AJAP1: variants seen among roughly 807,000 people sequenced by gnomAD.
AJAP1 encodes the protein adherens junction-associated protein 1.
AJAP1 carries 5 observed loss-of-function variants against 35.0 expected under a neutral mutation model. That is an observed-to-expected ratio of 0.14 (90% CI 0.07 to 0.30). The LOEUF is 0.30. AJAP1 is among the 10% of genes least tolerant of loss of function. AJAP1 has a pLI of 1.00. For synonymous variants in AJAP1, 284 were observed against 249.3 expected (o/e 1.14, Z -1.31); for missense variants, 586 against 571.0 (o/e 1.03, Z -0.27).
intron 4 of AJAP1, among the ~76,000 whole-genome samples, chr1:4,773,440 C>T (rs539290308): frequency 6.6e-6 from 1 of 152,346 alleles, no homozygotes; most frequent in East Asian, 1.9e-4. Context: ...GTGTCTTTGT[C>T]CTGTTGGCTA....
chr1:4,771,375 C>T lies in AJAP1; in HGVS notation c.918-905C>T, dbSNP rs146914429. 4.1e-3 allele frequency among the ~76,000 whole-genome samples: 630 copies of T among 152,282 alleles called. 1 individual carries two copies. Among genetic ancestry groups the T allele is most frequent in the African/African-American group, 0.014 (598 of 41,576 alleles). Reference sequence around the variant, plus strand: ...GAAATAGCCAAGACTTAGAAGGAGACGGGCGCATCCCCCCTGCCCCTTGCC... The same window carrying T: ...GAAATAGCCAAGACTTAGAAGGAGATGGGCGCATCCCCCCTGCCCCTTGCC... On this transcript the variant is annotated intron_variant, in intron 3 of 5. Transcript: ENST00000378191.
chr1:4,777,173 A>T (rs962193701), intron 5 of AJAP1, among the ~76,000 whole-genome samples: 1 of 152,176 alleles, frequency 6.6e-6, no homozygotes, highest in Non-Finnish European at 1.5e-5. Flanking sequence ...CATCTCTCAG[A>T]TTTGCTGGGG....
At chr1:4,699,423 T>C (rs565931154) in intron 1 of AJAP1, among the ~76,000 whole-genome samples, 2 of 152,268 alleles carry the variant, frequency 1.3e-5, no homozygotes, top group South Asian at 4.2e-4. Context: ...AACATAACAA[T>C]TGCAACGAAA....
chr1:4,752,411 A>C (rs1257505606), intron 2 of AJAP1, among the ~76,000 whole-genome samples: 2 of 152,176 alleles, frequency 1.3e-5, no homozygotes, highest in African/African-American at 4.8e-5. Context: ...TGATAATGGC[A>C]GTGCCCAGAG....
intron 1 of AJAP1, among the ~76,000 whole-genome samples, chr1:4,686,073 T>C (rs530501859): frequency 1.1e-4 from 16 of 152,342 alleles, no homozygotes; most frequent in African/African-American, 3.6e-4. Flanking sequence ...AGGTTTTGCC[T>C]GTGTATCTGG....
At chr1:4,694,184 C>CTGCAGTT (rs1364935673) in intron 1 of AJAP1, among the ~76,000 whole-genome samples, 1 of 152,026 alleles carries the variant, frequency 6.6e-6, no homozygotes, top group Non-Finnish European at 1.5e-5. Flanking sequence ...GGGTGCCAGT[C>CTGCAGTT]TGCACCCACT....
chr1:4,752,999 G>A (rs750232410), intron 2 of AJAP1, among the ~76,000 whole-genome samples: 2 of 152,122 alleles, frequency 1.3e-5, no homozygotes, highest in African/African-American at 2.4e-5. Context: ...CTGTCCAGTG[G>A]GTCCCCTTGT....
At chr1:4,679,852 T>TGTGTGTGG in intron 1 of AJAP1, among the ~76,000 whole-genome samples, 1 of 141,108 alleles carries the variant, frequency 7.1e-6, no homozygotes, top group Non-Finnish European at 1.6e-5. Flanking sequence ...TGTGTGTGTG[T>TGTGTGTGG]AGAGAGAGAT....
Position 4,659,275 on chromosome 1 carries a change from A to G in AJAP1, c.29+3821A>G, listed in dbSNP as rs770874548. 2.6e-5 allele frequency among the ~76,000 whole-genome samples: 4 copies of G among 152,214 alleles called. No homozygotes were observed. In the South Asian group the frequency reaches 8.3e-4, roughly 32 times the overall value. On this transcript the variant is annotated intron_variant, in intron 1 of 5. Coordinates refer to ENST00000378191, the MANE Select transcript of AJAP1 (RefSeq NM_018836.4). ...CAAATTGATGTAAAGATTAGCTTGGAAAGCCAAATATATCCTTGATCTAGA... is the reference window on the plus strand; with the variant it reads ...CAAATTGATGTAAAGATTAGCTTGGGAAGCCAAATATATCCTTGATCTAGA...
At position 4,783,640 on chromosome 1, in the gene AJAP1, C is replaced by G. The variant is rs1642113484; in HGVS notation, c.*1155C>G. The G allele has an allele frequency of 6.7e-6, 1 of 150,110 alleles. No homozygotes were observed. The highest frequency in any genetic ancestry group is 6.7e-5 in the Admixed American group (1 of 15,030). 9.3% of individuals were successfully genotyped at this position (150,110 alleles called of 1,614,324 possible). A position where few individuals can be genotyped will look rare whatever the true frequency, so the allele number is the denominator to read the frequency against. On this transcript the variant is annotated 3_prime_UTR_variant, in exon 6 of 6. Transcript: ENST00000378191. ...TTAAGTGTTGGAAGATGCTACCTAA[C>G]AGCCACGTTCACATTTACGTAGCTG...
Position 4,712,365 on chromosome 1 carries a change from C to T in AJAP1, c.495C>T (p.Ser165=). 2.6e-6 allele frequency: 4 copies of T among 1,525,584 alleles called. No homozygotes were observed. Among genetic ancestry groups the T allele is most frequent in the African/African-American group, 1.4e-5 (1 of 72,902 alleles). The allele number at this position is 1,525,584 out of a possible 1,614,324, so 94.5% of individuals were successfully genotyped here. ...GKRHLQGDGL[S]SFDSRGSRPT... ...GGCACCTGCAGGGGGACGGTCTCAG[C>T]AGCTTCGACTCCAGAGGCAGCCGGC... Residue 165 remains serine (S), a synonymous_variant, in exon 2 of 6, where the codon AGC becomes AGT. Transcript: ENST00000378191.
Position 4,712,395 on chromosome 1 carries a change from C to A in AJAP1, c.525C>A (p.Thr175=). 1 of 1,576,336 alleles carries A rather than the reference C, an allele frequency of 6.3e-7. No homozygotes were observed. The change falls in exon 2 of 6, where the codon ACC becomes ACA. Residue 175 remains threonine, a synonymous_variant. Coordinates refer to ENST00000378191, the MANE Select transcript of AJAP1 (RefSeq NM_018836.4). ...TCGACTCCAGAGGCAGCCGGCCCAC[C>A]ACAGAGACTGAGTTCATCGCCTGGG... ...SSFDSRGSRP[T]TETEFIAWGP...
chr1:4,781,833 A>G (rs1366599887), intron 5 of AJAP1, among the ~76,000 whole-genome samples: 1 of 152,168 alleles, frequency 6.6e-6, no homozygotes, highest in Non-Finnish European at 1.5e-5. Flanking sequence ...TCAGCCAGGG[A>G]GACTGCATTT....
chr1:4,752,915 C>A (rs1246631869), intron 2 of AJAP1, among the ~76,000 whole-genome samples: 2 of 152,194 alleles, frequency 1.3e-5, no homozygotes, highest in Non-Finnish European at 2.9e-5. Context: ...TTTGCTCACA[C>A]CTCCTCATGT....
intron 2 of AJAP1, among the ~76,000 whole-genome samples, chr1:4,767,653 C>T (rs947290569): frequency 1.3e-5 from 2 of 152,164 alleles, no homozygotes; most frequent in Admixed American, 6.5e-5. Flanking sequence ...CCATCACCAC[C>T]ATCATCATCA....
chr1:4,713,111 C>G (rs1401743246), intron 2 of AJAP1, among the ~76,000 whole-genome samples: 3 of 152,056 alleles, frequency 2.0e-5, no homozygotes, highest in Non-Finnish European at 4.4e-5. Flanking sequence ...AATTAAGGAT[C>G]CCCCCGCCCC....
intron 1 of AJAP1, among the ~76,000 whole-genome samples, chr1:4,699,033 G>T (rs1449911766): frequency 1.3e-5 from 2 of 152,160 alleles, no homozygotes; most frequent in African/African-American, 2.4e-5. Context: ...CTGCCCTGGG[G>T]GCGTGGCCTC....
intron 4 of AJAP1, among the ~76,000 whole-genome samples, chr1:4,773,027 G>A (rs1203396917): frequency 6.6e-6 from 1 of 152,118 alleles, no homozygotes; most frequent in African/African-American, 2.4e-5. Context: ...TATTACTCAT[G>A]TGTAATCCCT....
chr1:4,733,997 G>A (rs1244785214), intron 2 of AJAP1, among the ~76,000 whole-genome samples: 1 of 152,224 alleles, frequency 6.6e-6, no homozygotes, highest in Non-Finnish European at 1.5e-5. Flanking sequence ...TGTGCGTCGC[G>A]AGCAGGGCCC....
Sources: allele counts gnomAD v4.1 joint callset (sites outside exome capture counted in the v4.1 genomes callset), GRCh38; gene constraint gnomAD v4.1.1; transcripts MANE v1.5; gene names NCBI Gene and HGNC (gene_info 2026-07-23, HGNC 2026-07-21).